WASHC4: variants seen among roughly 807,000 people sequenced by gnomAD.
WASHC4 encodes WASH complex subunit 4.
WASHC4 carries 86 observed loss-of-function variants against 166.6 expected under a neutral mutation model. The observed-to-expected ratio is 0.52, with a 90% CI of 0.43 to 0.62. The LOEUF (loss-of-function observed/expected upper bound fraction) is 0.62, where lower values mean the gene tolerates loss of function less well. Ranked by LOEUF, WASHC4 falls within the 20% of genes least tolerant of loss-of-function variation. WASHC4 has a pLI of 0.00. For synonymous variants in WASHC4, 446 were observed against 451.6 expected, an observed-to-expected ratio of 0.99 and a Z score of 0.16; for missense variants, 1,262 against 1,382.4, an observed-to-expected ratio of 0.91 and a Z score of 1.38.
At chr12:105,131,081 TA>T (rs1347493583) in intron 13 of WASHC4, among the ~76,000 whole-genome samples, 15 of 150,226 alleles carry the variant, frequency 1.0e-4, no homozygotes, top group South Asian at 4.2e-4. Flanking sequence ...TTTATTTATT[TA>T]TTTTTTTTTT....
chr12:105,109,163 T>A (rs768151729), intron 1 of WASHC4, among the ~76,000 whole-genome samples: 1 of 152,220 alleles, frequency 6.6e-6, no homozygotes, highest in Non-Finnish European at 1.5e-5. Flanking sequence ...ACCTTGGAGA[T>A]AATGACAAAA....
At chr12:105,155,023 A>G (rs999482837) in intron 26 of WASHC4, 10 of 146,652 alleles carry the variant, frequency 6.8e-5, no homozygotes, top group African/African-American at 2.3e-4. Context: ...TGATTATGAA[A>G]TGTTAACTTG....
At chr12:105,149,475 T>G in intron 24 of WASHC4, 140 bp from the exon 25 acceptor site, 2 of 1,038,104 alleles carry the variant, frequency 1.9e-6, no homozygotes, top group Non-Finnish European at 2.5e-6. Context: ...TATTTTCAGG[T>G]CCAATATGAA....
In WASHC4 at chr12:105,131,081, T is replaced by A. The variant is rs892301585; in HGVS notation, c.1200-2689T>A. On this transcript the variant is annotated intron_variant, in intron 13 of 32. Transcript: ENST00000332180. The stretch of plus-strand genomic sequence containing the variant: ...GTTTTTATATATTTATTTATTTATT[T>A]ATTTTTTTTTTTTTTTGAGACGGAG... Among the ~76,000 whole-genome samples, 3 of 150,132 alleles carry A rather than the reference T, an allele frequency of 2.0e-5. No homozygotes were observed. In the East Asian group the frequency reaches 5.8e-4, roughly 29 times the overall value.
rs182177553 is a variant in WASHC4 at position 105,119,201 on chromosome 12, T to C, written c.518+673T>C. On this transcript the variant is annotated intron_variant, in intron 7 of 32. Transcript: ENST00000332180. ...CTCATGGAATTGGTGCTCGTGCCAC[T>C]GAGGAGGTGATACTGCCTGGCTGCT... is the stretch of plus-strand genomic sequence containing the variant. 9.6e-4 allele frequency among the ~76,000 whole-genome samples: 146 copies of C among 152,306 alleles called. 1 individual carries two copies. Among genetic ancestry groups the C allele is most frequent in the African/African-American group, 3.3e-3 (136 of 41,564 alleles).
chr12:105,122,002 G>A, intron 9 of WASHC4, 116 bp from the exon 10 acceptor site: 1 of 708,678 alleles, frequency 1.4e-6, no homozygotes, highest in Non-Finnish European at 2.3e-6. Flanking sequence ...ATTTTCAAAT[G>A]TGTAGAGCCA....
intron 15 of WASHC4, among the ~76,000 whole-genome samples, chr12:105,139,423 G>GTGTGTGTGTA (rs1555236327): frequency 2.6e-4 from 7 of 27,392 alleles, no homozygotes; most frequent in African/African-American, 8.6e-4. Flanking sequence ...ATATGTGTGT[G>GTGTGTGTGTA]TGTATATATA....
intron 1 of WASHC4, among the ~76,000 whole-genome samples, chr12:105,108,615 G>C (rs1458027683): frequency 2.0e-5 from 3 of 152,134 alleles, no homozygotes; most frequent in Non-Finnish European, 4.4e-5. Flanking sequence ...GTAAAATATT[G>C]AGGCCAAATT....
rs563754877 is a variant in WASHC4 at position 105,132,234 on chromosome 12, T to G, written c.1200-1536T>G. 2.0e-5 allele frequency among the ~76,000 whole-genome samples: 3 copies of G among 152,352 alleles called. No homozygotes were observed. The South Asian group carries it at 6.2e-4, about 32-fold the overall frequency. ...CCCAGGCTGGAGTGCAGTGGCGTGA[T>G]CTTAGCTCACTGCAATCTCTTCCGC... On this transcript the variant is annotated intron_variant, in intron 13 of 32. Transcript: ENST00000332180.
At chr12:105,129,746 G>C (rs1881628125) in intron 13 of WASHC4, among the ~76,000 whole-genome samples, 1 of 152,192 alleles carries the variant, frequency 6.6e-6, no homozygotes, top group Non-Finnish European at 1.5e-5. Flanking sequence ...CATTCAGAAT[G>C]AAGAGGGAAC....
At chr12:105,121,302 A>G (rs1880719512) in intron 9 of WASHC4, 98 bp downstream of exon 9, 1 of 748,130 alleles carries the variant, frequency 1.3e-6, no homozygotes, top group Admixed American at 2.1e-5. Flanking sequence ...ATTTTCTAAA[A>G]GACCTGGGGA....
At position 105,141,002 on chromosome 12, in the gene WASHC4, G is replaced by A; in HGVS notation, c.1664G>A (p.Arg555Gln). The change falls in exon 17 of 33, where the codon CGG becomes CAG. Residue 555 changes from arginine (R) to glutamine (Q), a missense_variant. Physicochemically the swap from Arg to Gln is conservative, Grantham distance 43. Coordinates refer to ENST00000332180, the MANE Select transcript of WASHC4 (RefSeq NM_015275.3). ...NTLNGPSTKQ[R>Q]RLIVSLALSV... ...CTAAATGGACCAAGCACAAAGCAAC[G>A]GCGACTTATTGTTTCTTTGGCACTA... The A allele has an allele frequency of 1.9e-6, 3 of 1,614,102 alleles. No individual in the cohort carries two copies. The highest frequency in any genetic ancestry group is 1.7e-6 in the Non-Finnish European group (2 of 1,180,006).
intron 14 of WASHC4, 40 bp from the exon 15 acceptor site, chr12:105,137,846 A>G: frequency 7.1e-6 from 11 of 1,553,256 alleles, no homozygotes; most frequent in Non-Finnish European, 9.8e-6. Context: ...TCTTGAAGAA[A>G]ATCTTTCCTT....
intron 32 of WASHC4, among the ~76,000 whole-genome samples, chr12:105,165,788 T>C (rs1243365567): frequency 6.6e-6 from 1 of 152,206 alleles, no homozygotes; most frequent in East Asian, 1.9e-4. Flanking sequence ...TCCAGGCGTT[T>C]TTTGAATCTA....
chr12:105,123,296 G>A (rs528933145), intron 10 of WASHC4, among the ~76,000 whole-genome samples: 2 of 152,148 alleles, frequency 1.3e-5, no homozygotes, highest in South Asian at 2.1e-4. Flanking sequence ...CTTGGGCGAC[G>A]AGGGAGACTC....
chr12:105,141,029 G>T lies in WASHC4; in HGVS notation c.1691G>T (p.Ser564Ile), dbSNP rs770399701. ...CGACTTATTGTTTCTTTGGCACTAA[G>T]TGTTGGCACACAAATGGTAAGTGTA... ...QRRLIVSLAL[S>I]VGTQMKTFKD... The change falls in exon 17 of 33, where the codon AGT becomes ATT. Residue 564 changes from serine to isoleucine, a missense_variant. Coordinates refer to ENST00000332180, the MANE Select transcript of WASHC4 (RefSeq NM_015275.3). 1.1e-5 allele frequency: 17 copies of T among 1,614,048 alleles called. No individual in the cohort carries two copies. In the Admixed American group the frequency reaches 1.2e-4, roughly 11 times the overall value.
intron 25 of WASHC4, among the ~76,000 whole-genome samples, chr12:105,151,983 T>C (rs1267618732): frequency 6.6e-6 from 1 of 152,192 alleles, no homozygotes; most frequent in Non-Finnish European, 1.5e-5. Context: ...AAGGAGTATG[T>C]TTCTAAGTCC....
At chr12:105,141,652 A>G (rs1200152149) in intron 18 of WASHC4, among the ~76,000 whole-genome samples, 3 of 152,180 alleles carry the variant, frequency 2.0e-5, no homozygotes, top group Non-Finnish European at 4.4e-5. Context: ...TTGAATTAAC[A>G]TTGTTGAATT....
rs1291851000 is a variant in WASHC4 at position 105,162,603 on chromosome 12, GT to G, written c.3061-143del. On this transcript the variant is annotated intron_variant, in intron 29 of 32. Transcript: ENST00000332180. Reference sequence around the variant, plus strand: ...CACCAAGAGGGTACCTAAGGCAAATGTTTCAGATGAAAAGGACAGGAATCTA... The same window carrying G: ...CACCAAGAGGGTACCTAAGGCAAATGTTCAGATGAAAAGGACAGGAATCTA... The G allele has an allele frequency of 1.9e-5, 11 of 586,236 alleles. No homozygotes were observed. In the African/African-American group the frequency reaches 2.1e-4, roughly 11 times the overall value. 36.3% of individuals were successfully genotyped at this position (586,236 alleles called of 1,614,324 possible).
Sources: gnomAD v4.1 joint callset for allele counts (sites outside exome capture counted in the v4.1 genomes callset) on GRCh38, gnomAD v4.1.1 for gene constraint, MANE v1.5 for transcripts, NCBI Gene and HGNC (gene_info 2026-07-23, HGNC 2026-07-21) for gene names.